Variants in CAPN3 observed in about 807,000 individuals in gnomAD.
CAPN3 encodes calpain-3.
CAPN3 carries 88 observed loss-of-function variants against 114.0 expected under a neutral mutation model. That is an observed-to-expected ratio of 0.77 (90% confidence interval 0.65 to 0.92). CAPN3 has a LOEUF of 0.92. CAPN3 is among the 40% of genes least tolerant of loss of function. The pLI is 0.00. For synonymous variants in CAPN3, 386 were observed against 382.9 expected (o/e 1.01, Z -0.09); for missense variants, 1,028 against 1,069.0 (o/e 0.96, Z 0.53).
intron 21 of CAPN3, 55 bp from the exon 22 acceptor site, chr15:42,410,828 AG>A: frequency 6.8e-7 from 1 of 1,462,338 alleles, no homozygotes; most frequent in Non-Finnish European, 9.6e-7. Context: ...GGAAAATAGA[AG>A]GCAGGCCCAA....
chr15:42,375,997 C>G (rs2053080339), intron 1 of CAPN3, among the ~76,000 whole-genome samples: 1 of 152,156 alleles, frequency 6.6e-6, no homozygotes, highest in East Asian at 1.9e-4. Flanking sequence ...AAAGAGTACT[C>G]GTCAGGTATT....
intron 1 of CAPN3, among the ~76,000 whole-genome samples, chr15:42,369,044 CAGG>C (rs1279159577): frequency 1.3e-5 from 2 of 152,190 alleles, no homozygotes; most frequent in Non-Finnish European, 2.9e-5. Flanking sequence ...TGATTTCTGT[CAGG>C]AGTACTCTCT....
Position 42,359,682 on chromosome 15 carries a change from A to T in CAPN3, c.-124A>T. 1 of 1,563,536 alleles carries T rather than the reference A, an allele frequency of 6.4e-7. No homozygotes were observed. Among genetic ancestry groups the T allele is most frequent in the Non-Finnish European group, 8.6e-7 (1 of 1,158,962 alleles). On this transcript the variant is annotated 5_prime_UTR_variant, in exon 1 of 24. An upstream start codon of the reference 5' UTR is lost. Coordinates refer to ENST00000397163, the MANE Select transcript of CAPN3 (RefSeq NM_000070.3). The stretch of plus-strand genomic sequence containing the variant: ...TGATGGGCTTTCAACTTTGAACTGG[A>T]TGTGGACACTTTTCTCTCAGATGAC...
At chr15:42,396,500 A>G (rs1450565023) in intron 8 of CAPN3, among the ~76,000 whole-genome samples, 3 of 152,100 alleles carry the variant, frequency 2.0e-5, no homozygotes, top group African/African-American at 7.2e-5. Context: ...TCGGCCTCCC[A>G]AAGTGCTGGG....
intron 7 of CAPN3, among the ~76,000 whole-genome samples, chr15:42,393,595 C>CTTTTT (rs199564761): frequency 7.8e-6 from 1 of 128,852 alleles, no homozygotes; most frequent in Non-Finnish European, 1.7e-5. Context: ...TTCTTTCTTT[C>CTTTTT]TTTTTTTTTT....
At chr15:42,370,789 A>G (rs1195936302) in intron 1 of CAPN3, among the ~76,000 whole-genome samples, 1 of 152,200 alleles carries the variant, frequency 6.6e-6, no homozygotes, top group Non-Finnish European at 1.5e-5. Flanking sequence ...AGTGGCATTC[A>G]GCGTCCTAGT....
chr15:42,401,354 C>T (rs1231848409), intron 10 of CAPN3, among the ~76,000 whole-genome samples: 2 of 151,126 alleles, frequency 1.3e-5, no homozygotes, highest in East Asian at 3.9e-4. Flanking sequence ...TAGTCACCAA[C>T]AGCGTTTAAG....
intron 21 of CAPN3, 43 bp from the exon 22 acceptor site, chr15:42,410,841 G>A: frequency 6.6e-7 from 1 of 1,522,286 alleles, no homozygotes. Flanking sequence ...CAGGCCCAAG[G>A]CCTCCAGCTC....
intron 1 of CAPN3, among the ~76,000 whole-genome samples, chr15:42,371,070 A>G (rs1467670264): frequency 1.3e-5 from 2 of 152,222 alleles, no homozygotes; most frequent in Non-Finnish European, 2.9e-5. Flanking sequence ...ATTAAATGAG[A>G]TTCTATACAT....
intron 15 of CAPN3, among the ~76,000 whole-genome samples, chr15:42,407,171 G>A (rs2054047987): frequency 6.6e-6 from 1 of 152,096 alleles, no homozygotes. Context: ...CTTGTCACTT[G>A]CACGAGCATG....
intron 1 of CAPN3, among the ~76,000 whole-genome samples, chr15:42,378,247 C>A (rs1016118741): frequency 1.3e-5 from 2 of 152,196 alleles, no homozygotes; most frequent in African/African-American, 4.8e-5. Flanking sequence ...GTTGCCCCCA[C>A]CCCGGGGGGA....
In CAPN3 at chr15:42,389,115, G is replaced by A. The variant is rs767858015; in HGVS notation, c.801+19G>A. On this transcript the variant is annotated intron_variant, in intron 5 of 23. Transcript: ENST00000397163. ...CATTGATGTAAGTCTGGGGTGTGGGGCACAGGGTGGGGAGCTCCAAGTGTC... is the reference window on the plus strand; with the variant it reads ...CATTGATGTAAGTCTGGGGTGTGGGACACAGGGTGGGGAGCTCCAAGTGTC... The A allele has an allele frequency of 1.4e-5, 22 of 1,612,952 alleles. No homozygotes were observed. Among genetic ancestry groups the A allele is most frequent in the Non-Finnish European group, 1.8e-5 (21 of 1,179,348 alleles).
At chr15:42,377,459 T>C (rs1037203098) in intron 1 of CAPN3, among the ~76,000 whole-genome samples, 1 of 152,240 alleles carries the variant, frequency 6.6e-6, no homozygotes, top group Non-Finnish European at 1.5e-5. Context: ...TCTTAGCCTG[T>C]TGATGTGGTA....
chr15:42,387,673 C>G (rs1216059699), intron 3 of CAPN3, 80 bp from the exon 4 acceptor site: 4 of 1,545,550 alleles, frequency 2.6e-6, no homozygotes, highest in Non-Finnish European at 3.6e-6. Context: ...ATTCAAGAAC[C>G]CCCTGAGGAA....
chr15:42,377,393 T>A (rs2053117906), intron 1 of CAPN3, among the ~76,000 whole-genome samples: 1 of 152,232 alleles, frequency 6.6e-6, no homozygotes, highest in South Asian at 2.1e-4. Context: ...TGAATGGGTG[T>A]CAGATTTTGT....
chr15:42,373,558 C>T (rs2053011085), intron 1 of CAPN3, among the ~76,000 whole-genome samples: 1 of 152,234 alleles, frequency 6.6e-6, no homozygotes, highest in Non-Finnish European at 1.5e-5. Context: ...GCTGGGCTTT[C>T]TTATGAATAT....
At chr15:42,374,828 A>G (rs1160816859) in intron 1 of CAPN3, among the ~76,000 whole-genome samples, 2 of 115,256 alleles carry the variant, frequency 1.7e-5, no homozygotes, top group Non-Finnish European at 3.3e-5. Context: ...TGAGAGAGAG[A>G]CTTGCTCTGT....
At chr15:42,393,389 T>C (rs890851770) in intron 7 of CAPN3, among the ~76,000 whole-genome samples, 1 of 152,344 alleles carries the variant, frequency 6.6e-6, no homozygotes, top group African/African-American at 2.4e-5. Flanking sequence ...TCTGTTTTGC[T>C]CCTTCTGGGA....
chr15:42,389,166 C>A, intron 5 of CAPN3, 70 bp downstream of exon 5: 2 of 1,433,292 alleles, frequency 1.4e-6, no homozygotes, highest in Non-Finnish European at 2.0e-6. Context: ...CAATGAAGGG[C>A]AGCATAGAGC....
Sources: allele counts gnomAD v4.1 joint callset (sites outside exome capture counted in the v4.1 genomes callset), GRCh38; gene constraint gnomAD v4.1.1; transcripts MANE v1.5; gene names NCBI Gene and HGNC (gene_info 2026-07-23, HGNC 2026-07-21).